AFF3: variants seen among roughly 807,000 people sequenced by gnomAD.
The protein encoded by AFF3 is ALF transcription elongation factor 3.
Under a neutral mutation model 129.7 loss-of-function variants are expected in AFF3, and 32 were observed. The observed-to-expected ratio is 0.25, with a 90% CI of 0.19 to 0.33. The LOEUF is 0.33. Ranked by LOEUF, AFF3 falls within the 10% of genes least tolerant of loss-of-function variation. The pLI is 1.00. For synonymous variants in AFF3, 644 were observed against 635.4 expected (o/e 1.01, Z -0.20); for missense variants, 1,373 against 1,592.0 (o/e 0.86, Z 2.34).
chr2:99,610,002 C>T (rs952429068), intron 13 of AFF3, among the ~76,000 whole-genome samples: 4 of 152,146 alleles, frequency 2.6e-5, no homozygotes, highest in Non-Finnish European at 2.9e-5. Context: ...CCCAACTGAC[C>T]GATCGACCTC....
chr2:99,987,723 AC>A (rs1396890978), intron 7 of AFF3, among the ~76,000 whole-genome samples: 2 of 152,182 alleles, frequency 1.3e-5, no homozygotes, highest in Non-Finnish European at 2.9e-5. Context: ...AGGAAGGTTC[AC>A]CTGTGAGCCT....
chr2:99,906,249 G>GCCA (rs1257822259), intron 7 of AFF3, among the ~76,000 whole-genome samples: 1 of 152,146 alleles, frequency 6.6e-6, no homozygotes, highest in Non-Finnish European at 1.5e-5. Flanking sequence ...GCCCCATGAA[G>GCCA]CCAGCATTAT....
intron 7 of AFF3, among the ~76,000 whole-genome samples, chr2:99,911,190 C>T (rs1025813840): frequency 1.3e-5 from 2 of 152,098 alleles, no homozygotes; most frequent in Non-Finnish European, 2.9e-5. Flanking sequence ...AATCGATTGA[C>T]CTGTTTTGTA....
intron 2 of AFF3, among the ~76,000 whole-genome samples, chr2:100,108,411 G>A (rs1691394315): frequency 6.6e-6 from 1 of 152,020 alleles, no homozygotes; most frequent in Non-Finnish European, 1.5e-5. Flanking sequence ...TGGCTGTGCT[G>A]ACTGTCATCA....
chr2:100,051,764 A>G (rs1686355053), intron 4 of AFF3, among the ~76,000 whole-genome samples: 1 of 152,228 alleles, frequency 6.6e-6, no homozygotes, highest in Admixed American at 6.5e-5. Flanking sequence ...CAGCCCAGAT[A>G]AAGGGAGGTT....
chr2:99,836,120 C>T (rs1177773076), intron 8 of AFF3, among the ~76,000 whole-genome samples: 4 of 152,138 alleles, frequency 2.6e-5, no homozygotes, highest in Admixed American at 2.6e-4. Flanking sequence ...TCTTCCATAT[C>T]CTCAGAAGGG....
chr2:99,919,313 A>G (rs1695699155), intron 7 of AFF3, among the ~76,000 whole-genome samples: 1 of 152,060 alleles, frequency 6.6e-6, no homozygotes, highest in Non-Finnish European at 1.5e-5. Context: ...TAATTTTCAC[A>G]TTTCAGATGA....
At chr2:99,951,740 G>A (rs1297317526) in intron 7 of AFF3, among the ~76,000 whole-genome samples, 1 of 152,172 alleles carries the variant, frequency 6.6e-6, no homozygotes, top group Non-Finnish European at 1.5e-5. Flanking sequence ...CCGCCTCCCA[G>A]GTTCAAGCCA....
At chr2:99,816,539 G>A (rs1047461866) in intron 8 of AFF3, among the ~76,000 whole-genome samples, 4 of 152,168 alleles carry the variant, frequency 2.6e-5, no homozygotes, top group African/African-American at 9.7e-5. Context: ...ATGTGGTCAG[G>A]AGTCTAGTTG....
chr2:99,694,209 T>C (rs955463129), intron 11 of AFF3, among the ~76,000 whole-genome samples: 2 of 151,698 alleles, frequency 1.3e-5, no homozygotes, highest in African/African-American at 2.4e-5. Flanking sequence ...CATTCCTTAA[T>C]CCTTTGTTAG....
chr2:100,027,230 CA>C (rs1684122450), intron 4 of AFF3, among the ~76,000 whole-genome samples: 1 of 152,134 alleles, frequency 6.6e-6, no homozygotes, highest in South Asian at 2.1e-4. Flanking sequence ...AGGCGAAAAA[CA>C]AAAACAAGCT....
chr2:99,554,587 G>A (rs1674743786), intron 23 of AFF3, 53 bp from the exon 24 acceptor site: 1 of 1,608,278 alleles, frequency 6.2e-7, no homozygotes, highest in African/African-American at 1.3e-5. Context: ...AGCAAGCGAG[G>A]CAGGGCAGCC....
chr2:99,916,089 A>AGC (rs1386550552), intron 7 of AFF3, among the ~76,000 whole-genome samples: 2 of 152,180 alleles, frequency 1.3e-5, no homozygotes, highest in African/African-American at 4.8e-5. Flanking sequence ...GTGTTACTGT[A>AGC]GCCTGTGGCC....
rs150744620 is a variant in AFF3, at chr2:99,937,695, C to T, written c.873+68937G>A. ...TACAGGCATAAGCCACCGCGCCCGGCCCTGCATTTGATTTTTAACAGAGAA... is the reference window on the plus strand; with the variant it reads ...TACAGGCATAAGCCACCGCGCCCGGTCCTGCATTTGATTTTTAACAGAGAA... On this transcript the variant is annotated intron_variant, in intron 7 of 24. Coordinates refer to ENST00000672756, the MANE Select transcript of AFF3 (RefSeq NM_001386135.1). Among the ~76,000 whole-genome samples the T allele has an allele frequency of 7.7e-3, 1,177 of 152,258 alleles. 21 individuals are homozygous for T. Among genetic ancestry groups the T allele is most frequent in the African/African-American group, 0.027 (1,110 of 41,560 alleles).
chr2:99,933,607 G>A (rs1157948623), intron 7 of AFF3, among the ~76,000 whole-genome samples: 1 of 151,912 alleles, frequency 6.6e-6, no homozygotes, highest in Non-Finnish European at 1.5e-5. Flanking sequence ...TTGGTTTTCT[G>A]TTCTTGTGAT....
At chr2:99,693,349 A>G (rs1675868788) in intron 11 of AFF3, among the ~76,000 whole-genome samples, 3 of 152,232 alleles carry the variant, frequency 2.0e-5, no homozygotes. Flanking sequence ...ATTCTTGGAA[A>G]TAAACTTTCT....
At chr2:99,827,368 G>T (rs745458250) in intron 8 of AFF3, among the ~76,000 whole-genome samples, 15 of 152,154 alleles carry the variant, frequency 9.9e-5, no homozygotes, top group Non-Finnish European at 1.5e-4. Flanking sequence ...ACCCAGGAGG[G>T]TGTGACAGAG....
chr2:99,558,350 G>A (rs760194062), intron 22 of AFF3, among the ~76,000 whole-genome samples: 24 of 152,210 alleles, frequency 1.6e-4, no homozygotes, highest in Non-Finnish European at 2.5e-4. Flanking sequence ...GCTGGGCGTG[G>A]TGGCTCACAC....
chr2:99,837,505 G>A lies in AFF3; in HGVS notation c.893C>T (p.Thr298Ile), dbSNP rs369314956. 4.4e-5 allele frequency: 71 copies of A among 1,613,558 alleles called. No individual in the cohort carries two copies. The highest frequency in any genetic ancestry group is 3.3e-4 in the Middle Eastern group (2 of 6,084). The change falls in exon 8 of 25, where the codon ACC (threonine) becomes ATC (isoleucine). Residue 298 changes from threonine to isoleucine, a missense_variant. Physicochemically the swap from Thr to Ile is moderately conservative, Grantham distance 89. This residue lies in a region of AFF3 where 413 missense variants were observed against 424.4 expected (regional missense o/e 0.97). Coordinates refer to ENST00000672756, the MANE Select transcript of AFF3 (RefSeq NM_001386135.1). ...KQGEESRSGE[T>I]NSCVEEIIRE... is the part of the protein sequence containing the mutation. ...GATTATTTCTTCAACACAGCTGTTG[G>A]TTTCTCCAGATCTACTCTCCTGAAA...
Sources: allele counts gnomAD v4.1 joint callset (sites outside exome capture counted in the v4.1 genomes callset), GRCh38; gene constraint gnomAD v4.1.1; regional missense constraint gnomAD v4.1.1; transcripts MANE v1.5; gene names NCBI Gene and HGNC (gene_info 2026-07-23, HGNC 2026-07-21).